GADL1: variants seen among roughly 807,000 people sequenced by gnomAD.
The protein encoded by GADL1 is GAD like acidic amino acid decarboxylase 1, also known as acidic amino acid decarboxylase GADL1.
GADL1 carries 71 observed loss-of-function variants against 69.5 expected under a neutral mutation model. The observed-to-expected ratio is 1.02, with a 90% CI of 0.84 to 1.25. GADL1 has a LOEUF of 1.25. Among genes scored for constraint, GADL1 ranks in the 50% most tolerant of loss-of-function variants. GADL1 has a pLI of 0.00. For synonymous variants in GADL1, 254 were observed against 214.4 expected, an observed-to-expected ratio of 1.18 and a Z score of -1.62; for missense variants, 737 against 631.8, an observed-to-expected ratio of 1.17 and a Z score of -1.79.
intron 14 of GADL1, among the ~76,000 whole-genome samples, chr3:30,772,804 A>AG (rs1195858265): frequency 1.3e-4 from 20 of 152,320 alleles, no homozygotes; most frequent in African/African-American, 4.8e-4. Context: ...TGAACCCAGG[A>AG]GGTGGAGGTT....
At chr3:30,861,475 C>A (rs1368582105) in intron 2 of GADL1, 118 bp downstream of exon 2, 2 of 693,370 alleles carry the variant, frequency 2.9e-6, no homozygotes, top group Non-Finnish European at 4.8e-6. Context: ...CCTTTTGAGA[C>A]AAAGGCATAG....
chr3:30,811,055 T>G (rs1436907191), intron 11 of GADL1, among the ~76,000 whole-genome samples: 1 of 152,146 alleles, frequency 6.6e-6, no homozygotes, highest in Non-Finnish European at 1.5e-5. Context: ...CCCCTTCCCC[T>G]TCCAGAAACC....
At chr3:30,830,760 A>G (rs1697774030) in intron 11 of GADL1, among the ~76,000 whole-genome samples, 2 of 151,948 alleles carry the variant, frequency 1.3e-5, no homozygotes, top group South Asian at 4.1e-4. Context: ...TCCATATGCC[A>G]ACTTCCTATG....
At chr3:30,817,948 A>G (rs1697503014) in intron 11 of GADL1, among the ~76,000 whole-genome samples, 1 of 152,240 alleles carries the variant, frequency 6.6e-6, no homozygotes, top group Admixed American at 6.5e-5. Flanking sequence ...ATGGAACTGG[A>G]GATACGGAAG....
At chr3:30,842,930 A>G (rs1697992417) in intron 8 of GADL1, among the ~76,000 whole-genome samples, 1 of 151,740 alleles carries the variant, frequency 6.6e-6, no homozygotes, top group East Asian at 1.9e-4. Flanking sequence ...GTGATCTAGC[A>G]TTCTCCAGGA....
At chr3:30,893,851 T>C (rs1698817679) in intron 1 of GADL1, among the ~76,000 whole-genome samples, 1 of 152,188 alleles carries the variant, frequency 6.6e-6, no homozygotes, top group South Asian at 2.1e-4. Flanking sequence ...TGAGACTTCA[T>C]TAAGCTGTGT....
intron 1 of GADL1, among the ~76,000 whole-genome samples, chr3:30,871,942 T>C (rs1183752769): frequency 1.3e-5 from 2 of 152,018 alleles, no homozygotes; most frequent in Non-Finnish European, 2.9e-5. Flanking sequence ...GGCCAGGAAT[T>C]AGATAACCTA....
intron 14 of GADL1, among the ~76,000 whole-genome samples, chr3:30,732,626 C>A (rs1695475080): frequency 6.6e-6 from 1 of 152,110 alleles, no homozygotes; most frequent in East Asian, 1.9e-4. Context: ...CCAAGCAGGG[C>A]AATTCGATAA....
intron 14 of GADL1, among the ~76,000 whole-genome samples, chr3:30,744,842 T>C (rs1330831987): frequency 6.6e-6 from 1 of 152,232 alleles, no homozygotes; most frequent in African/African-American, 2.4e-5. Flanking sequence ...AGTGGCCATG[T>C]TCCAATACAA....
chr3:30,751,491 A>AT (rs760188338), intron 14 of GADL1, among the ~76,000 whole-genome samples: 3 of 151,080 alleles, frequency 2.0e-5, no homozygotes, highest in African/African-American at 7.3e-5. Flanking sequence ...CTGGGTAACT[A>AT]GAACCTGGGC....
intron 9 of GADL1, among the ~76,000 whole-genome samples, chr3:30,838,271 A>T: frequency 6.6e-6 from 1 of 152,172 alleles, no homozygotes; most frequent in East Asian, 1.9e-4. Context: ...AAAGAAAATT[A>T]AAAAGCTCCA....
At chr3:30,777,261 AC>A (rs1347519583) in intron 14 of GADL1, among the ~76,000 whole-genome samples, 3 of 152,122 alleles carry the variant, frequency 2.0e-5, no homozygotes, top group South Asian at 4.2e-4. Flanking sequence ...TAAAAAAAAA[AC>A]GTTTTCCCCC....
intron 11 of GADL1, among the ~76,000 whole-genome samples, chr3:30,807,981 G>A (rs1039847529): frequency 6.6e-6 from 1 of 152,158 alleles, no homozygotes; most frequent in Non-Finnish European, 1.5e-5. Flanking sequence ...GCAGTGAGCC[G>A]AGATTGTGCC....
At chr3:30,848,790 G>A (rs1030831355) in intron 6 of GADL1, among the ~76,000 whole-genome samples, 1 of 152,170 alleles carries the variant, frequency 6.6e-6, no homozygotes, top group African/African-American at 2.4e-5. Context: ...TATCCCAGAT[G>A]ACACTTTACA....
chr3:30,872,134 T>C (rs749576039), intron 1 of GADL1, among the ~76,000 whole-genome samples: 1 of 151,920 alleles, frequency 6.6e-6, no homozygotes, highest in Non-Finnish European at 1.5e-5. Flanking sequence ...CTATAATGGG[T>C]ACAAATTCAG....
At chr3:30,752,928 A>T (rs573814307) in intron 14 of GADL1, among the ~76,000 whole-genome samples, 1 of 149,352 alleles carries the variant, frequency 6.7e-6, no homozygotes, top group South Asian at 2.2e-4. Context: ...TTCTGAATTC[A>T]GTTGAGAACA....
intron 1 of GADL1, among the ~76,000 whole-genome samples, chr3:30,865,160 C>T (rs988145382): frequency 6.6e-6 from 1 of 151,916 alleles, no homozygotes; most frequent in Non-Finnish European, 1.5e-5. Context: ...CCTTAAACAT[C>T]AGTTTCTCAG....
intron 1 of GADL1, among the ~76,000 whole-genome samples, chr3:30,887,606 A>AT (rs151140472): frequency 0.045 from 6,888 of 151,922 alleles, 545 homozygotes; most frequent in African/African-American, 0.16. Flanking sequence ...ATAAGTTCCT[A>AT]TTTTTTTTAT....
At position 30,800,945 on chromosome 3, in the gene GADL1, C is replaced by G; in HGVS notation, c.1194G>C (p.Lys398Asn). 1 of 1,613,780 alleles carries G rather than the reference C, an allele frequency of 6.2e-7. No homozygotes were observed. The highest frequency in any genetic ancestry group is 8.5e-7 in the Non-Finnish European group (1 of 1,179,932). ...CTTCAAGGCCTAATGTACCCAGGGCCTTCCAGGTCATCCAGAACTTGAATG... is the reference window on the plus strand; with the variant it reads ...CTTCAAGGCCTAATGTACCCAGGGCGTTCCAGGTCATCCAGAACTTGAATG... ...PDAFKFWMTW[K>N]ALGTLGLEER... The change falls in exon 12 of 15, where the codon AAG becomes AAC. Residue 398 changes from lysine (K) to asparagine (N), a missense_variant. Coordinates refer to ENST00000282538, the MANE Select transcript of GADL1 (RefSeq NM_207359.3).
Sources: allele counts gnomAD v4.1 joint callset (sites outside exome capture counted in the v4.1 genomes callset), GRCh38; gene constraint gnomAD v4.1.1; transcripts MANE v1.5; gene names NCBI Gene and HGNC (gene_info 2026-07-23, HGNC 2026-07-21).